SHISA6: variants seen among roughly 807,000 people sequenced by gnomAD.
SHISA6 encodes shisa family member 6.
A neutral mutation model predicts 47.9 loss-of-function variants in SHISA6; 22 were observed. The observed-to-expected ratio is 0.46, with a 90% CI of 0.33 to 0.66. The LOEUF is 0.66. Among genes scored for constraint, SHISA6 ranks in the 30% least tolerant of loss-of-function variants. The pLI is 0.02. For missense variants in SHISA6, 680 were observed against 764.6 expected (o/e 0.89, Z 1.30); for synonymous variants, 388 against 337.8 (o/e 1.15, Z -1.63).
At chr17:11,263,901 A>G (rs912467616) in intron 2 of SHISA6, among the ~76,000 whole-genome samples, 2 of 152,146 alleles carry the variant, frequency 1.3e-5, no homozygotes, top group Non-Finnish European at 2.9e-5. Flanking sequence ...AAATTACTGT[A>G]CCCCAATGTA....
intron 3 of SHISA6, among the ~76,000 whole-genome samples, chr17:11,439,497 G>A (rs1322057246): frequency 6.6e-6 from 1 of 152,052 alleles, no homozygotes; most frequent in African/African-American, 2.4e-5. Context: ...TAGACTTCTG[G>A]GGGAAAAATG....
intron 3 of SHISA6, among the ~76,000 whole-genome samples, chr17:11,522,039 C>A (rs926121530): frequency 1.3e-5 from 2 of 152,046 alleles, no homozygotes; most frequent in Admixed American, 1.3e-4. Context: ...GATCTTGGCT[C>A]ACTGCAACCT....
At chr17:11,419,261 C>T (rs935823261) in intron 3 of SHISA6, among the ~76,000 whole-genome samples, 10 of 151,062 alleles carry the variant, frequency 6.6e-5, no homozygotes, top group Admixed American at 1.3e-4. Flanking sequence ...GAAAACAAAG[C>T]AAAACAAAAA....
chr17:11,403,927 G>A (rs115443957), intron 3 of SHISA6, among the ~76,000 whole-genome samples: 5,217 of 152,266 alleles, frequency 0.034, 244 homozygotes, highest in African/African-American at 0.1. Flanking sequence ...CAGTTGCTTG[G>A]ATGCCCCATG....
chr17:11,244,349 A>T (rs982362605), intron 1 of SHISA6, among the ~76,000 whole-genome samples: 5 of 151,924 alleles, frequency 3.3e-5, no homozygotes, highest in Non-Finnish European at 5.9e-5. Context: ...TGGTAGGGGG[A>T]CAGGGCATGG....
chr17:11,556,728 G>A (rs770000226), intron 5 of SHISA6, among the ~76,000 whole-genome samples: 2 of 152,094 alleles, frequency 1.3e-5, no homozygotes, highest in Non-Finnish European at 2.9e-5. Context: ...ATCATCCCGA[G>A]GTGATGAAAT....
chr17:11,260,626 C>T (rs1908198314), intron 1 of SHISA6, among the ~76,000 whole-genome samples: 1 of 152,024 alleles, frequency 6.6e-6, no homozygotes, highest in South Asian at 2.1e-4. Context: ...TTGCCTGTCC[C>T]TCAGACTCTG....
Position 11,403,803 on chromosome 17 carries a change from A to G in SHISA6, c.895+24294A>G, listed in dbSNP as rs569888205. Among the ~76,000 whole-genome samples, 4 of 152,348 alleles carry G rather than the reference A, an allele frequency of 2.6e-5. No homozygotes were observed. The South Asian group carries it at 6.2e-4, about 24-fold the overall frequency. On this transcript the variant is annotated intron_variant, in intron 3 of 5. Coordinates refer to ENST00000441885, the MANE Select transcript of SHISA6 (RefSeq NM_207386.4). ...AACACATTTTCCAAATATGTTCTCA[A>G]TCGCCTCCCTCCCTCGATAATTGGA...
At chr17:11,479,566 A>G (rs1310125836) in intron 3 of SHISA6, among the ~76,000 whole-genome samples, 3 of 152,112 alleles carry the variant, frequency 2.0e-5, no homozygotes, top group Non-Finnish European at 4.4e-5. Flanking sequence ...ACCATGGCAC[A>G]TGTATACTTA....
chr17:11,387,159 C>T (rs1284303023), intron 3 of SHISA6, among the ~76,000 whole-genome samples: 7 of 152,138 alleles, frequency 4.6e-5, no homozygotes, highest in Non-Finnish European at 7.4e-5. Context: ...TGTTGGCCTG[C>T]GAGCACCTTT....
At chr17:11,343,153 T>C (rs114698717) in intron 2 of SHISA6, among the ~76,000 whole-genome samples, 6 of 152,330 alleles carry the variant, frequency 3.9e-5, no homozygotes, top group African/African-American at 1.4e-4. Flanking sequence ...GACAAATTAA[T>C]AATTTATTTA....
rs189594262 is a variant in SHISA6, at chr17:11,368,951, G to A, written c.800-10463G>A. ...ATTACAGGCATGGGCCACCGAACCC[G>A]GCCGAATTATTGTACTTAATTTAGT... On this transcript the variant is annotated intron_variant, in intron 2 of 5. Coordinates refer to ENST00000441885, the MANE Select transcript of SHISA6 (RefSeq NM_207386.4). Among the ~76,000 whole-genome samples, 5 of 152,256 alleles carry A rather than the reference G, an allele frequency of 3.3e-5. No individual in the cohort carries two copies. In the East Asian group the frequency reaches 7.7e-4, roughly 24 times the overall value.
chr17:11,524,884 A>AAAC (rs1272811067), intron 3 of SHISA6, among the ~76,000 whole-genome samples: 1 of 152,204 alleles, frequency 6.6e-6, no homozygotes, highest in Non-Finnish European at 1.5e-5. Context: ...GTCCTATTTT[A>AAAC]AACATCAAGC....
At chr17:11,472,500 G>A (rs1915959356) in intron 3 of SHISA6, among the ~76,000 whole-genome samples, 1 of 152,078 alleles carries the variant, frequency 6.6e-6, no homozygotes, top group Admixed American at 6.6e-5. Context: ...TGCCCAATCA[G>A]GTCATTTCTT....
intron 3 of SHISA6, 73 bp downstream of exon 3, chr17:11,379,582 G>T (rs1912940887): frequency 2.8e-6 from 3 of 1,053,926 alleles, no homozygotes; most frequent in Non-Finnish European, 2.8e-6. Flanking sequence ...AGAAGATGGT[G>T]TGGAGGCCAG....
intron 3 of SHISA6, among the ~76,000 whole-genome samples, chr17:11,411,332 G>A (rs1914110295): frequency 6.6e-6 from 1 of 151,892 alleles, no homozygotes; most frequent in Non-Finnish European, 1.5e-5. Context: ...TGTTTCTCAG[G>A]TATTTTAGAA....
intron 3 of SHISA6, among the ~76,000 whole-genome samples, chr17:11,455,662 C>T (rs1367280701): frequency 6.6e-6 from 1 of 152,060 alleles, no homozygotes; most frequent in Admixed American, 6.5e-5. Context: ...AGGTTCTCAC[C>T]CCGCTGAGCA....
At chr17:11,532,006 C>T (rs1157465738) in intron 3 of SHISA6, among the ~76,000 whole-genome samples, 1 of 152,114 alleles carries the variant, frequency 6.6e-6, no homozygotes, top group African/African-American at 2.4e-5. Context: ...TAAAATGCCT[C>T]ATGAAATCCA....
chr17:11,512,852 C>T (rs559259780), intron 3 of SHISA6, among the ~76,000 whole-genome samples: 3 of 152,014 alleles, frequency 2.0e-5, no homozygotes, highest in African/African-American at 7.2e-5. Context: ...GCTGAGGGAT[C>T]GTCTATTGCT....
Sources: gnomAD v4.1 joint callset for allele counts (sites outside exome capture counted in the v4.1 genomes callset) on GRCh38, gnomAD v4.1.1 for gene constraint, MANE v1.5 for transcripts, NCBI Gene and HGNC (gene_info 2026-07-23, HGNC 2026-07-21) for gene names.